The following THSD4 variants were observed in gnomAD, a reference collection of about 807,000 sequenced individuals.
THSD4 encodes the protein thrombospondin type 1 domain containing 4.
Under a neutral mutation model 119.0 loss-of-function variants are expected in THSD4, and 69 were observed. The ratio of observed to expected loss-of-function variants is 0.58; its 90% CI spans 0.48 to 0.71. THSD4 has a LOEUF of 0.71. Ranked by LOEUF, THSD4 falls within the 30% of genes least tolerant of loss-of-function variation. THSD4 has a pLI of 0.00. For synonymous variants in THSD4, 524 were observed against 540.4 expected (o/e 0.97, Z 0.42); for missense variants, 1,393 against 1,391.1 (o/e 1.00, Z -0.02).
intron 14 of THSD4, among the ~76,000 whole-genome samples, chr15:71,755,160 G>A (rs1034004921): frequency 2.0e-5 from 3 of 152,198 alleles, no homozygotes; most frequent in African/African-American, 4.8e-5. Flanking sequence ...TTTCTCAATA[G>A]CCTTCAGCTC....
At chr15:71,421,661 A>G (rs2046809495) in intron 7 of THSD4, among the ~76,000 whole-genome samples, 1 of 152,088 alleles carries the variant, frequency 6.6e-6, no homozygotes, top group South Asian at 2.1e-4. Flanking sequence ...TTTGGGTTAT[A>G]TTGTACTTGG....
intron 6 of THSD4, among the ~76,000 whole-genome samples, chr15:71,263,638 C>T (rs899344737): frequency 1.3e-5 from 2 of 152,206 alleles, no homozygotes; most frequent in African/African-American, 4.8e-5. Flanking sequence ...TTTTTCTCCA[C>T]AACCTTGCCA....
At chr15:71,392,060 T>A (rs1392526541) in intron 6 of THSD4, among the ~76,000 whole-genome samples, 1 of 152,162 alleles carries the variant, frequency 6.6e-6, no homozygotes, top group African/African-American at 2.4e-5. Context: ...CAGAGAAAAT[T>A]AAAAGAACAG....
chr15:71,331,000 C>T (rs2045413494), intron 6 of THSD4, among the ~76,000 whole-genome samples: 1 of 152,220 alleles, frequency 6.6e-6, no homozygotes, highest in Non-Finnish European at 1.5e-5. Context: ...TTTGCTCTCC[C>T]ACCTGTGTGG....
rs190504441 is a variant in THSD4 at position 71,493,431 on chromosome 15, G to A, written c.1152+81608G>A. On this transcript the variant is annotated intron_variant, in intron 7 of 17. Transcript: ENST00000261862. ...ACCTCTATTTATGTAGCACCCCACA[G>A]GTACAAAGAGCTCCTTTCATGTGAT... is the stretch of plus-strand genomic sequence containing the variant. Among the ~76,000 whole-genome samples the A allele has an allele frequency of 3.3e-5, 5 of 152,296 alleles. No individual in the cohort carries two copies. The East Asian group carries it at 9.7e-4, about 29-fold the overall frequency.
Position 71,771,170 on chromosome 15 carries a change from G to A in THSD4, c.2876G>A (p.Arg959Lys), listed in dbSNP as rs752789893. 6.2e-7 allele frequency: 1 copy of A among 1,614,184 alleles called. No homozygotes were observed. The highest frequency in any genetic ancestry group is 8.5e-7 in the Non-Finnish European group (1 of 1,180,034). The change falls in exon 17 of 18, where the codon AGA becomes AAA. Residue 959 changes from arginine (R) to lysine (K), a missense_variant. By Grantham distance (26) the Arg-to-Lys change is conservative. Transcript: ENST00000261862. ...LCDPQLKPEE[R>K]ESCNPQDCVP... is the part of the protein sequence containing the mutation. ...GACCCTCAGTTGAAACCAGAAGAGA[G>A]AGAATCTTGTAACCCTCAGGACTGT...
chr15:71,168,882 A>G (rs988180368), intron 3 of THSD4, among the ~76,000 whole-genome samples: 3 of 152,226 alleles, frequency 2.0e-5, no homozygotes, highest in African/African-American at 7.2e-5. Flanking sequence ...AAAACATTTG[A>G]GAATAGCTTC....
At position 71,780,701 on chromosome 15, in the gene THSD4, C is replaced by T. The variant is rs1251745323; in HGVS notation, c.*3327C>T. 2.2e-6 allele frequency: 1 copy of T among 456,696 alleles called. No individual in the cohort carries two copies. Among genetic ancestry groups the T allele is most frequent in the East Asian group, 6.9e-5 (1 of 14,398 alleles). The allele number at this position is 456,696 out of a possible 1,614,324, so 28.3% of individuals were successfully genotyped here. A position where few individuals can be genotyped will look rare whatever the true frequency, so the allele number is the denominator to read the frequency against. ...ACTAGAACATGACAAGAATTCTCCG[C>T]ACTGTGCCTACCTGTCCCTTTACCT... On this transcript the variant is annotated 3_prime_UTR_variant, in exon 18 of 18. Transcript: ENST00000261862.
chr15:71,174,183 C>T lies in THSD4; in HGVS notation c.99+19251C>T, dbSNP rs538267943. Among the ~76,000 whole-genome samples the T allele has an allele frequency of 5.6e-3, 852 of 152,240 alleles. 23 individuals are homozygous for T. Among genetic ancestry groups the T allele is most frequent in the Admixed American group, 0.045 (686 of 15,294 alleles). On this transcript the variant is annotated intron_variant, in intron 3 of 17. Transcript: ENST00000261862. ...ATAGGAACAGCTCCGGTCTACAGCT[C>T]CCAGCGTGAGCGACGCAGAAGACGG...
intron 8 of THSD4, among the ~76,000 whole-genome samples, chr15:71,697,691 T>A (rs1483563469): frequency 6.6e-6 from 1 of 152,224 alleles, no homozygotes; most frequent in East Asian, 1.9e-4. Flanking sequence ...AGAGGGCAAC[T>A]TTGGTAACAC....
In THSD4 at chr15:71,777,365, G is replaced by A. The variant is rs764092695; in HGVS notation, c.3048G>A (p.Gly1016=). 1.9e-6 allele frequency: 3 copies of A among 1,613,628 alleles called. No homozygotes were observed. Among genetic ancestry groups the A allele is most frequent in the Non-Finnish European group, 8.5e-7 (1 of 1,179,958 alleles). Reference sequence around the variant, plus strand: ...CCAACAGGCAGACGGGCTTCCTGGGGAGCAGATAACACTCCTGCACCCCCA... The same window carrying A: ...CCAACAGGCAGACGGGCTTCCTGGGAAGCAGATAACACTCCTGCACCCCCA... The part of the protein sequence containing the change: ...RVANRQTGFL[G]SR Residue 1016 remains glycine, a synonymous_variant, in exon 18 of 18, where the codon GGG becomes GGA. Transcript: ENST00000261862.
intron 6 of THSD4, among the ~76,000 whole-genome samples, chr15:71,392,162 CTACTGCCCACCCCCA>C (rs2046387561): frequency 2.6e-5 from 4 of 152,226 alleles, no homozygotes; most frequent in Admixed American, 2.6e-4. Flanking sequence ...CCACTGGGGA[CTACTGCCCACCCCCA>C]ACTTTTCTGC....
At chr15:71,157,610 C>T (rs1415904269) in intron 3 of THSD4, among the ~76,000 whole-genome samples, 6 of 151,878 alleles carry the variant, frequency 4.0e-5, no homozygotes, top group Non-Finnish European at 7.4e-5. Context: ...CCACTCTCCC[C>T]TCTTTTCTTT....
intron 8 of THSD4, among the ~76,000 whole-genome samples, chr15:71,701,533 A>G (rs1207231094): frequency 6.6e-6 from 1 of 152,160 alleles, no homozygotes; most frequent in African/African-American, 2.4e-5. Flanking sequence ...AATTAAATGC[A>G]ACCTAACTAT....
chr15:71,400,233 A>G (rs575411644), intron 6 of THSD4, among the ~76,000 whole-genome samples: 10 of 152,294 alleles, frequency 6.6e-5, no homozygotes, highest in South Asian at 6.2e-4. Flanking sequence ...GTATTAGGCA[A>G]TTGATAAGCT....
intron 6 of THSD4, among the ~76,000 whole-genome samples, chr15:71,377,420 G>A (rs1033838039): frequency 1.3e-5 from 2 of 152,042 alleles, no homozygotes; most frequent in African/African-American, 2.4e-5. Flanking sequence ...GGGGAGGAAG[G>A]AGCTGTGGAC....
chr15:71,285,451 C>T (rs890651544), intron 6 of THSD4, among the ~76,000 whole-genome samples: 3 of 152,170 alleles, frequency 2.0e-5, no homozygotes, highest in African/African-American at 7.2e-5. Context: ...TCATGAATTG[C>T]GCTTCACCTC....
rs1408559284 is a variant in THSD4 at position 71,737,987 on chromosome 15, G to C, written c.1886G>C (p.Cys629Ser). 1 of 1,613,638 alleles carries C rather than the reference G, an allele frequency of 6.2e-7. No homozygotes were observed. Among genetic ancestry groups the C allele is most frequent in the East Asian group, 2.2e-5 (1 of 44,888 alleles). Residue 629 changes from cysteine (C) to serine (S), a missense_variant, in exon 11 of 18, where the codon TGT (cysteine) becomes TCT (serine). Coordinates refer to ENST00000261862, the MANE Select transcript of THSD4 (RefSeq NM_024817.3). Reference protein sequence around the residue: ...HNWKQLGTTECSTTCGKGSQY... With the variant: ...HNWKQLGTTESSTTCGKGSQY... ...TGGAAGCAGCTTGGGACAACAGAATGTTCCACGACCTGTGGGAAAGGTGAG... is the reference window on the plus strand; with the variant it reads ...TGGAAGCAGCTTGGGACAACAGAATCTTCCACGACCTGTGGGAAAGGTGAG...
chr15:71,542,615 C>T (rs1307113456), intron 7 of THSD4, among the ~76,000 whole-genome samples: 4 of 152,076 alleles, frequency 2.6e-5, no homozygotes, highest in East Asian at 1.9e-4. Flanking sequence ...CAGTGTCTCA[C>T]GCCTGTAATC....
Sources: gnomAD v4.1 joint callset for allele counts (sites outside exome capture counted in the v4.1 genomes callset) on GRCh38, gnomAD v4.1.1 for gene constraint, MANE v1.5 for transcripts, NCBI Gene and HGNC (gene_info 2026-07-23, HGNC 2026-07-21) for gene names.